Variants in HEATR3 observed in about 807,000 individuals in gnomAD.
The protein encoded by HEATR3 is HEAT repeat containing 3.
In HEATR3, 56 loss-of-function variants were observed where a neutral mutation model predicts 72.8. The ratio of observed to expected loss-of-function variants is 0.77; its 90% CI spans 0.62 to 0.96. HEATR3 has a LOEUF of 0.96. Ranked by LOEUF, HEATR3 falls within the 40% of genes least tolerant of loss-of-function variation. HEATR3 has a pLI of 0.00. For missense variants in HEATR3, 747 were observed against 831.4 expected (o/e 0.90, Z 1.25); for synonymous variants, 331 against 318.1 (o/e 1.04, Z -0.43).
intron 11 of HEATR3, among the ~76,000 whole-genome samples, chr16:50,091,218 GC>G (rs1206536036): frequency 6.6e-6 from 1 of 152,022 alleles, no homozygotes; most frequent in Non-Finnish European, 1.5e-5. Flanking sequence ...TGTAATCCCA[GC>G]ACTTTGGGAG....
chr16:50,099,509 G>A (rs1376149620), intron 12 of HEATR3, among the ~76,000 whole-genome samples: 1 of 152,186 alleles, frequency 6.6e-6, no homozygotes, highest in East Asian at 1.9e-4. Context: ...GCTAGGATTT[G>A]AACCCAGGGT....
At chr16:50,074,056 A>C (rs917194961) in intron 5 of HEATR3, 1 of 152,238 alleles carries the variant, frequency 6.6e-6, no homozygotes, top group African/African-American at 2.4e-5. Context: ...TTACATTTGG[A>C]TATATGTACA....
chr16:50,067,904 A>C (rs921184863), intron 2 of HEATR3, among the ~76,000 whole-genome samples: 1 of 152,224 alleles, frequency 6.6e-6, no homozygotes, highest in Admixed American at 6.5e-5. Flanking sequence ...CATTAACCAA[A>C]CAGTTACATA....
At chr16:50,090,705 C>T (rs1165995059) in intron 11 of HEATR3, among the ~76,000 whole-genome samples, 4 of 152,128 alleles carry the variant, frequency 2.6e-5, no homozygotes, top group Admixed American at 2.0e-4. Context: ...GTCTGTCATT[C>T]GGCTCTATTA....
intron 3 of HEATR3, among the ~76,000 whole-genome samples, chr16:50,069,741 A>G (rs1449403584): frequency 6.6e-6 from 1 of 152,188 alleles, no homozygotes; most frequent in Non-Finnish European, 1.5e-5. Flanking sequence ...TTTGGAGTCA[A>G]ATGCTAGGGC....
At chr16:50,081,644 C>A (rs1344862254) in intron 7 of HEATR3, among the ~76,000 whole-genome samples, 1 of 152,150 alleles carries the variant, frequency 6.6e-6, no homozygotes, top group South Asian at 2.1e-4. Flanking sequence ...ATGCCAGGAA[C>A]ACAAATTATA....
chr16:50,081,473 A>G (rs1034422154), intron 7 of HEATR3, among the ~76,000 whole-genome samples: 1 of 152,104 alleles, frequency 6.6e-6, no homozygotes, highest in Non-Finnish European at 1.5e-5. Flanking sequence ...ACAAATAGAA[A>G]TAAAGTCTTC....
At chr16:50,072,486 G>T in intron 4 of HEATR3, 119 bp from the exon 5 acceptor site, 1 of 638,986 alleles carries the variant, frequency 1.6e-6, no homozygotes, top group Non-Finnish European at 2.8e-6. Context: ...AAAATGGTGG[G>T]TGTTTGATTC....
At chr16:50,078,331 C>G (rs1448257294) in intron 6 of HEATR3, among the ~76,000 whole-genome samples, 1 of 152,096 alleles carries the variant, frequency 6.6e-6, no homozygotes, top group East Asian at 1.9e-4. Context: ...TAAGAACCTA[C>G]TCTCATGTTT....
intron 14 of HEATR3, among the ~76,000 whole-genome samples, chr16:50,103,132 C>A (rs140126901): frequency 6.5e-4 from 99 of 152,260 alleles, no homozygotes; most frequent in African/African-American, 2.2e-3. Flanking sequence ...AAAAAAATAT[C>A]CCCTATTTCC....
chr16:50,071,918 CT>C (rs1173308877), intron 4 of HEATR3, among the ~76,000 whole-genome samples: 1 of 152,078 alleles, frequency 6.6e-6, no homozygotes, highest in Non-Finnish European at 1.5e-5. Flanking sequence ...AAAGCTGAGT[CT>C]TTTATTAAAA....
At chr16:50,077,531 T>C (rs72796146) in intron 6 of HEATR3, among the ~76,000 whole-genome samples, 13,470 of 152,266 alleles carry the variant, frequency 0.088, 692 homozygotes, top group East Asian at 0.26. Context: ...CCGGAACTCT[T>C]TTTCATCTTG....
intron 7 of HEATR3, among the ~76,000 whole-genome samples, chr16:50,080,614 C>T (rs978702076): frequency 6.6e-5 from 10 of 152,084 alleles, no homozygotes; most frequent in African/African-American, 2.2e-4. Context: ...GCTGGGATTA[C>T]AGGGGTAAGC....
chr16:50,103,526 C>T (rs986662641), intron 14 of HEATR3, among the ~76,000 whole-genome samples: 2 of 152,218 alleles, frequency 1.3e-5, no homozygotes, highest in Non-Finnish European at 2.9e-5. Context: ...CTCCTTGTAT[C>T]AGCAGCATCA....
At chr16:50,092,702 A>T (rs1567442741) in intron 11 of HEATR3, among the ~76,000 whole-genome samples, 2 of 151,742 alleles carry the variant, frequency 1.3e-5, no homozygotes, top group Non-Finnish European at 2.9e-5. Flanking sequence ...TTGGCCTCCC[A>T]AAGTGCTGGG....
chr16:50,069,451 G>A (rs1292159121), intron 3 of HEATR3, among the ~76,000 whole-genome samples: 4 of 152,172 alleles, frequency 2.6e-5, no homozygotes, highest in Non-Finnish European at 5.9e-5. Context: ...AGAGGCATCA[G>A]TCATTTTAGA....
chr16:50,075,701 A>C lies in HEATR3; in HGVS notation c.753A>C (p.Thr251=). The stretch of plus-strand genomic sequence containing the variant: ...CCATGGAATCTCTTCTATTGAAGAC[A>C]TTGGTAGCAGGTAAAATTTAGCCTT... ...VSSMESLLLK[T]LVAGTIWNLK... The change falls in exon 6 of 15, where the codon ACA becomes ACC. Residue 251 remains threonine, a synonymous_variant. Coordinates refer to ENST00000299192, the MANE Select transcript of HEATR3 (RefSeq NM_182922.4). 1 of 1,612,108 alleles carries C rather than the reference A, an allele frequency of 6.2e-7. No individual in the cohort carries two copies. The highest frequency in any genetic ancestry group is 8.5e-7 in the Non-Finnish European group (1 of 1,178,532).
In HEATR3 at chr16:50,092,436, C is replaced by CTTTCTTCT. The variant is rs1555503198; in HGVS notation, c.1511-2266_1511-2265insCTTCTTTT. Among the ~76,000 whole-genome samples the CTTTCTTCT allele has an allele frequency of 5.0e-4, 53 of 106,026 alleles. 1 individual carries two copies. The highest frequency in any genetic ancestry group is 1.4e-4 in the Non-Finnish European group (8 of 56,438). The allele number at this position is 106,026 out of a possible 152,430, so 69.6% of individuals were successfully genotyped here. A position where few individuals can be genotyped will look rare whatever the true frequency, so the allele number is the denominator to read the frequency against. ...GGTCATTCTTTTTTTTTTCTTTTTT[C>CTTTCTTCT]TTTTTTTTTTTTTTTTCCTGAGACG... On this transcript the variant is annotated intron_variant, in intron 11 of 14. Coordinates refer to ENST00000299192, the MANE Select transcript of HEATR3 (RefSeq NM_182922.4).
chr16:50,105,226 A>G lies in HEATR3; in HGVS notation c.*165A>G, dbSNP rs2356839. On this transcript the variant is annotated 3_prime_UTR_variant, in exon 15 of 15. Coordinates refer to ENST00000299192, the MANE Select transcript of HEATR3 (RefSeq NM_182922.4). Reference sequence around the variant, plus strand: ...TGGCCAGGCATGGTGGCTCACGCCTATAATCCCAGCACCTTGGGAGACCGA... The same window carrying G: ...TGGCCAGGCATGGTGGCTCACGCCTGTAATCCCAGCACCTTGGGAGACCGA... 4 of 691,552 alleles carry G rather than the reference A, an allele frequency of 5.8e-6. No individual in the cohort carries two copies. The highest frequency in any genetic ancestry group is 3.2e-5 in the East Asian group (1 of 30,996). The allele number at this position is 691,552 out of a possible 1,614,324, so 42.8% of individuals were successfully genotyped here.
Sources: gnomAD v4.1 joint callset for allele counts (sites outside exome capture counted in the v4.1 genomes callset) on GRCh38, gnomAD v4.1.1 for gene constraint, MANE v1.5 for transcripts, NCBI Gene and HGNC (gene_info 2026-07-23, HGNC 2026-07-21) for gene names.